Variants in TNIP1 observed in about 807,000 individuals in gnomAD.
TNIP1 encodes TNFAIP3-interacting protein 1.
In TNIP1, 22 loss-of-function variants were observed where a neutral mutation model predicts 86.6. The observed-to-expected ratio is 0.25, with a 90% CI of 0.18 to 0.36. TNIP1 has a LOEUF of 0.36. Among genes scored for constraint, TNIP1 ranks in the 10% least tolerant of loss-of-function variants. TNIP1 has a pLI of 1.00. For synonymous variants in TNIP1, 294 were observed against 313.0 expected, an observed-to-expected ratio of 0.94 and a Z score of 0.64; for missense variants, 709 against 820.6, an observed-to-expected ratio of 0.86 and a Z score of 1.66.
At chr5:151,062,285 G>A in intron 3 of TNIP1, 73 bp from the exon 4 acceptor site, 2 of 1,399,480 alleles carry the variant, frequency 1.4e-6, no homozygotes, top group Non-Finnish European at 2.0e-6. Context: ...CTCAAGGACA[G>A]CCCTTGACAA....
chr5:151,036,461 AAAT>A (rs1443037546), intron 13 of TNIP1, among the ~76,000 whole-genome samples: 2 of 152,214 alleles, frequency 1.3e-5, no homozygotes, highest in East Asian at 3.8e-4. Context: ...TACTTGTGAC[AAAT>A]AATAAATGGT....
upstream of TNIP1, among the ~76,000 whole-genome samples, chr5:151,081,800 T>G (rs1049363784): frequency 2.1e-4 from 32 of 152,136 alleles, no homozygotes; most frequent in African/African-American, 7.7e-4. Flanking sequence ...TACCTACTTA[T>G]ATGTGGGCTA....
chr5:151,038,544 C>A (rs146273672), intron 12 of TNIP1, among the ~76,000 whole-genome samples: 66 of 152,278 alleles, frequency 4.3e-4, no homozygotes, highest in African/African-American at 1.4e-3. Context: ...ACCCTGGGGG[C>A]CCCATCTCCC....
chr5:151,074,494 C>T (rs977641810), intron 1 of TNIP1, among the ~76,000 whole-genome samples: 2 of 152,184 alleles, frequency 1.3e-5, no homozygotes, highest in Non-Finnish European at 2.9e-5. Flanking sequence ...CCTCACTTTC[C>T]TTGTTTCTCC....
intron 8 of TNIP1, among the ~76,000 whole-genome samples, chr5:151,048,328 C>A (rs1759450557): frequency 6.6e-6 from 1 of 152,184 alleles, no homozygotes; most frequent in African/African-American, 2.4e-5. Flanking sequence ...TCACTGTTTA[C>A]GACGCTAAAC....
chr5:151,048,247 G>A (rs945953667), intron 8 of TNIP1, among the ~76,000 whole-genome samples: 2 of 152,210 alleles, frequency 1.3e-5, no homozygotes, highest in African/African-American at 4.8e-5. Context: ...GCGAGGGAGA[G>A]AGGAGTCCAC....
At chr5:151,046,012 C>T (rs1248476193) in intron 8 of TNIP1, 62 bp from the exon 9 acceptor site, 75 of 1,535,168 alleles carry the variant, frequency 4.9e-5, no homozygotes, top group Non-Finnish European at 6.1e-5. Context: ...CACCCAGTCT[C>T]GGTGCTCCTC....
chr5:151,032,455 C>G lies in TNIP1; in HGVS notation c.1780-72G>C, dbSNP rs994684752. The stretch of plus-strand genomic sequence containing the variant: ...TACAATAGCACCTACTGTGCCAGGA[C>G]AATACTAAATCTGTATTAGTCAAGT... On this transcript the variant is annotated intron_variant, in intron 16 of 17. Coordinates refer to ENST00000521591, the MANE Select transcript of TNIP1 (RefSeq NM_006058.5). 2.5e-5 allele frequency: 36 copies of G among 1,422,338 alleles called. No individual in the cohort carries two copies. The African/African-American group carries it at 4.5e-4, about 18-fold the overall frequency. The allele number at this position is 1,422,338 out of a possible 1,614,324, so 88.1% of individuals were successfully genotyped here.
At chr5:151,059,806 AGAGAGAGAGAGAG>A in intron 5 of TNIP1, among the ~76,000 whole-genome samples, 1 of 112,064 alleles carries the variant, frequency 8.9e-6, no homozygotes, top group East Asian at 2.9e-4. Flanking sequence ...AGAGAGAGAG[AGAGAGAGAGAGAG>A]AGAGAGAGAG....
intron 3 of TNIP1, among the ~76,000 whole-genome samples, chr5:151,063,033 C>T (rs10073621): frequency 0.029 from 4,479 of 152,324 alleles, 231 homozygotes; most frequent in African/African-American, 0.1. Flanking sequence ...ACTCTGTACG[C>T]ATGGTGATGC....
upstream of TNIP1, among the ~76,000 whole-genome samples, chr5:151,083,352 A>G (rs750391900): frequency 6.6e-6 from 1 of 152,220 alleles, no homozygotes; most frequent in Middle Eastern, 3.2e-3. Flanking sequence ...GGCTGCATGC[A>G]TTGGGTAGAA....
At chr5:151,066,201 A>G (rs953239822) in intron 1 of TNIP1, among the ~76,000 whole-genome samples, 3 of 152,262 alleles carry the variant, frequency 2.0e-5, no homozygotes, top group African/African-American at 7.2e-5. Context: ...GGCCCCAAGC[A>G]TAAGGAGCTA....
intron 12 of TNIP1, chr5:151,037,218 G>GT (rs1184328560): frequency 1.7e-5 from 4 of 229,116 alleles, no homozygotes; most frequent in Non-Finnish European, 3.4e-5. Flanking sequence ...CACACAGCTA[G>GT]TAAGTGGCAG....
At chr5:151,058,102 G>A (rs1407716375) in intron 5 of TNIP1, among the ~76,000 whole-genome samples, 1 of 152,168 alleles carries the variant, frequency 6.6e-6, no homozygotes, top group African/African-American at 2.4e-5. Flanking sequence ...TGTATTTTTA[G>A]TTGAGACGGG....
chr5:151,071,337 G>A (rs1431355661), intron 1 of TNIP1, among the ~76,000 whole-genome samples: 1 of 152,078 alleles, frequency 6.6e-6, no homozygotes, highest in Non-Finnish European at 1.5e-5. Context: ...CAGCTGGGGC[G>A]CCAGAACTGT....
intron 15 of TNIP1, 139 bp downstream of exon 15, chr5:151,034,863 A>T: frequency 1.1e-6 from 1 of 878,932 alleles, no homozygotes; most frequent in Non-Finnish European, 1.8e-6. Flanking sequence ...ATACTGCTCT[A>T]AGGCTTTTCC....
Position 151,036,835 on chromosome 5 carries a change from T to A in TNIP1, c.1350A>T (p.Leu450=), listed in dbSNP as rs1581736846. Residue 450 remains leucine, a synonymous_variant, in exon 13 of 18, where the codon CTA becomes CTT. Coordinates refer to ENST00000521591, the MANE Select transcript of TNIP1 (RefSeq NM_006058.5). ...FGSPEGAGAL[L]RKQELVTQNE... is the part of the protein sequence containing the mutation. ...TCTGCGTGACCAGCTCCTGTTTCCT[T>A]AGGAGGGCCCCTGCTCCTTCTGGGC... 1 of 1,614,016 alleles carries A rather than the reference T, an allele frequency of 6.2e-7. No individual in the cohort carries two copies. Among genetic ancestry groups the A allele is most frequent in the East Asian group, 2.2e-5 (1 of 44,860 alleles).
At chr5:151,064,478 G>A (rs542011798) in intron 2 of TNIP1, among the ~76,000 whole-genome samples, 1 of 150,210 alleles carries the variant, frequency 6.7e-6, no homozygotes, top group South Asian at 2.1e-4. Flanking sequence ...AGGGAGGTGG[G>A]GTTGTTCTAA....
In TNIP1 at chr5:151,042,765, C is replaced by T; in HGVS notation, c.1003-94G>A. On this transcript the variant is annotated intron_variant, in intron 10 of 17. Coordinates refer to ENST00000521591, the MANE Select transcript of TNIP1 (RefSeq NM_006058.5). ...CTGGCTGCCCCTGGGCCCTCCAACA[C>T]TGCCCCCAACTTCTCCTCTGGGCCA... 3 of 1,595,030 alleles carry T rather than the reference C, an allele frequency of 1.9e-6. No homozygotes were observed. In the South Asian group the frequency reaches 3.4e-5, roughly 18 times the overall value.
Sources: gnomAD v4.1 joint callset for allele counts (sites outside exome capture counted in the v4.1 genomes callset) on GRCh38, gnomAD v4.1.1 for gene constraint, MANE v1.5 for transcripts, NCBI Gene and HGNC (gene_info 2026-07-23, HGNC 2026-07-21) for gene names.